SBF2: variants seen among roughly 807,000 people sequenced by gnomAD.
SBF2 encodes the protein SET binding factor 2.
In SBF2, 112 loss-of-function variants were observed where a neutral mutation model predicts 225.2. The observed-to-expected ratio is 0.50, with a 90% CI of 0.43 to 0.58. The LOEUF is 0.58. SBF2 is among the 20% of genes least tolerant of loss of function. The pLI, the probability that SBF2 is intolerant of heterozygous loss-of-function variation, is 0.00. For synonymous variants in SBF2, 763 were observed against 773.3 expected (o/e 0.99, Z 0.22); for missense variants, 1,996 against 2,206.2 (o/e 0.90, Z 1.91).
At chr11:10,131,945 G>C (rs1025028087) in intron 2 of SBF2, among the ~76,000 whole-genome samples, 1 of 152,060 alleles carries the variant, frequency 6.6e-6, no homozygotes, top group Non-Finnish European at 1.5e-5. Context: ...TAGTTCCAAA[G>C]ATGTTCTATG....
At chr11:9,984,091 C>T (rs574587701) in intron 13 of SBF2, among the ~76,000 whole-genome samples, 111 of 152,164 alleles carry the variant, frequency 7.3e-4, no homozygotes, top group African/African-American at 2.5e-3. Flanking sequence ...TCTCTGATTA[C>T]CTGAAAAAGA....
intron 2 of SBF2, among the ~76,000 whole-genome samples, chr11:10,178,988 T>C (rs1956603647): frequency 7.3e-6 from 1 of 137,550 alleles, no homozygotes; most frequent in Non-Finnish European, 1.6e-5. Flanking sequence ...ATGTGGCATG[T>C]ATACACCATG....
upstream of SBF2, chr11:10,294,344 G>A (rs1342129676): frequency 9.1e-6 from 3 of 331,350 alleles, no homozygotes; most frequent in Non-Finnish European, 1.6e-5. Context: ...TGCGCTGGGG[G>A]AGTGGGCGGT....
At chr11:10,074,683 C>T (rs946568378) in intron 2 of SBF2, among the ~76,000 whole-genome samples, 1 of 152,128 alleles carries the variant, frequency 6.6e-6, no homozygotes, top group African/African-American at 2.4e-5. Context: ...TAGTTATAGA[C>T]TAGGGAGAAC....
At chr11:9,822,552 A>G (rs932538981) in intron 28 of SBF2, among the ~76,000 whole-genome samples, 5 of 151,998 alleles carry the variant, frequency 3.3e-5, no homozygotes, top group Non-Finnish European at 7.4e-5. Context: ...GAGCCACCGC[A>G]CCCGGCCACT....
intron 1 of SBF2, among the ~76,000 whole-genome samples, chr11:10,200,519 T>C (rs1957533340): frequency 6.6e-6 from 1 of 152,220 alleles, no homozygotes; most frequent in Admixed American, 6.5e-5. Context: ...TACTTTTGAA[T>C]GAAACATGTA....
At chr11:9,858,196 C>A (rs758068592) in intron 18 of SBF2, 30 bp downstream of exon 18, 1 of 1,612,888 alleles carries the variant, frequency 6.2e-7, no homozygotes, top group Non-Finnish European at 8.5e-7. Flanking sequence ...CCTAATCCCA[C>A]ACAATTAGAG....
chr11:9,854,773 T>C (rs11042513), intron 19 of SBF2, among the ~76,000 whole-genome samples: 4,340 of 152,190 alleles, frequency 0.029, 214 homozygotes, highest in African/African-American at 0.098. Context: ...TTATTTTTTG[T>C]AGAGATAGGG....
At chr11:9,979,413 A>C (rs914260875) in intron 13 of SBF2, among the ~76,000 whole-genome samples, 1 of 152,324 alleles carries the variant, frequency 6.6e-6, no homozygotes, top group South Asian at 2.1e-4. Flanking sequence ...ATAGGTCAAA[A>C]GAAATTTCTC....
chr11:10,258,068 A>AC (rs1961027415), intron 1 of SBF2, among the ~76,000 whole-genome samples: 2 of 131,918 alleles, frequency 1.5e-5, no homozygotes, highest in Non-Finnish European at 3.2e-5. Context: ...TAAGAGGTAT[A>AC]AATACACACA....
intron 1 of SBF2, among the ~76,000 whole-genome samples, chr11:10,236,209 T>C (rs1959065789): frequency 6.6e-6 from 1 of 152,126 alleles, no homozygotes; most frequent in Non-Finnish European, 1.5e-5. Flanking sequence ...CCCATCAAAT[T>C]GGGAGGCCCA....
At chr11:9,823,482 A>G (rs1374646134) in intron 28 of SBF2, among the ~76,000 whole-genome samples, 1 of 151,858 alleles carries the variant, frequency 6.6e-6, no homozygotes, top group Non-Finnish European at 1.5e-5. Flanking sequence ...AAAGGCTAGG[A>G]AGAAGAACTA....
At chr11:10,174,091 A>G (rs1237232080) in intron 2 of SBF2, among the ~76,000 whole-genome samples, 1 of 151,954 alleles carries the variant, frequency 6.6e-6, no homozygotes, top group East Asian at 1.9e-4. Context: ...GGAAACTCTA[A>G]AAAGCAGAGC....
intron 9 of SBF2, among the ~76,000 whole-genome samples, chr11:9,996,779 A>C (rs1947722922): frequency 6.6e-6 from 1 of 152,242 alleles, no homozygotes; most frequent in South Asian, 2.1e-4. Flanking sequence ...TTATAATAAA[A>C]ACATAATTAT....
intron 22 of SBF2, among the ~76,000 whole-genome samples, chr11:9,849,181 AT>A (rs34775514): frequency 1.3e-5 from 2 of 151,472 alleles, no homozygotes; most frequent in East Asian, 3.9e-4. Flanking sequence ...AGAAACTGGT[AT>A]TTTTTTTTAA....
intron 23 of SBF2, 38 bp from the exon 24 acceptor site, chr11:9,845,778 AGGATTT>A: frequency 6.2e-7 from 1 of 1,602,660 alleles, no homozygotes. Flanking sequence ...AGAAGCATTA[AGGATTT>A]CCTGGCAACT....
At chr11:10,024,346 C>G (rs1447895520) in intron 6 of SBF2, among the ~76,000 whole-genome samples, 1 of 129,696 alleles carries the variant, frequency 7.7e-6, no homozygotes, top group Non-Finnish European at 1.8e-5. Flanking sequence ...TTAAAATAGT[C>G]AAACTGTGTT....
chr11:9,889,151 A>G (rs564022867), intron 17 of SBF2, among the ~76,000 whole-genome samples: 16 of 152,278 alleles, frequency 1.1e-4, no homozygotes, highest in African/African-American at 3.8e-4. Flanking sequence ...GTCACCACTT[A>G]GCTAGCTCAG....
chr11:9,866,855 A>AGAGT (rs1424008892), intron 17 of SBF2, among the ~76,000 whole-genome samples: 6 of 152,224 alleles, frequency 3.9e-5, no homozygotes, highest in Admixed American at 3.9e-4. Flanking sequence ...ATTAATAACC[A>AGAGT]GAGTATACAA....
Sources: allele counts gnomAD v4.1 joint callset (sites outside exome capture counted in the v4.1 genomes callset), GRCh38; gene constraint gnomAD v4.1.1; transcripts MANE v1.5; gene names NCBI Gene and HGNC (gene_info 2026-07-23, HGNC 2026-07-21).